TAF6L: variants seen among roughly 807,000 people sequenced by gnomAD.
TAF6L encodes the protein TATA-box binding protein associated factor 6 like.
TAF6L carries 34 observed loss-of-function variants against 57.3 expected under a neutral mutation model. The ratio of observed to expected loss-of-function variants is 0.59; its 90% CI spans 0.45 to 0.79. The LOEUF (loss-of-function observed/expected upper bound fraction) is 0.79, where lower values mean the gene tolerates loss of function less well. Among genes scored for constraint, TAF6L ranks in the 30% least tolerant of loss-of-function variants. The pLI, the probability that TAF6L is intolerant of heterozygous loss-of-function variation, is 0.00. For missense variants in TAF6L, 782 were observed against 853.2 expected (o/e 0.92, Z 1.04); for synonymous variants, 417 against 376.3 (o/e 1.11, Z -1.25).
chr11:62,783,120 A>G (rs1173310436), intron 9 of TAF6L, among the ~76,000 whole-genome samples: 4 of 152,236 alleles, frequency 2.6e-5, no homozygotes, highest in Non-Finnish European at 4.4e-5. Context: ...TTACACATGA[A>G]TAGATACTGA....
intron 9 of TAF6L, among the ~76,000 whole-genome samples, chr11:62,783,093 C>T (rs2084242275): frequency 6.6e-6 from 1 of 152,164 alleles, no homozygotes; most frequent in Non-Finnish European, 1.5e-5. Flanking sequence ...CCTTCAATTC[C>T]TGTTGTATTG....
In TAF6L at chr11:62,787,092, C is replaced by A; in HGVS notation, c.1665C>A (p.Arg555=). The change falls in exon 11 of 11, where the codon CGC becomes CGA. Residue 555 remains arginine, a synonymous_variant. Coordinates refer to ENST00000294168, the MANE Select transcript of TAF6L (RefSeq NM_006473.4). ...TCCAGAAGAGCCGTTTCGCCCCGCG[C>A]GGCGCCCCGCACTTTCGTTTCATCA... ...DVFQKSRFAP[R]GAPHFRFIIA... The A allele has an allele frequency of 6.5e-7, 1 of 1,539,720 alleles. No individual in the cohort carries two copies. The highest frequency in any genetic ancestry group is 2.5e-5 in the East Asian group (1 of 40,426).
At position 62,782,817 on chromosome 11, in the gene TAF6L, G is replaced by C. The variant is rs2084240347; in HGVS notation, c.952G>C (p.Gly318Arg). The C allele has an allele frequency of 6.2e-7, 1 of 1,613,912 alleles. No homozygotes were observed. The highest frequency in any genetic ancestry group is 1.1e-5 in the South Asian group (1 of 91,090). ...YGAVVGLHAL[G>R]WKAVERVLYP... ...AGCCGTGGTGGGGCTGCATGCTCTT[G>C]GCTGGAAGGTGAGCACCCTGGCCTT... The change falls in exon 9 of 11, where the codon GGC (glycine) becomes CGC (arginine). Residue 318 changes from glycine to arginine, a missense_variant. Transcript: ENST00000294168.
chr11:62,775,749 A>G (rs1225474369), intron 1 of TAF6L, 22 bp from the exon 2 acceptor site: 8 of 1,582,944 alleles, frequency 5.1e-6, no homozygotes, highest in Non-Finnish European at 4.3e-6. Context: ...CAGCTTTTCC[A>G]GTCTTCATTC....
intron 7 of TAF6L, 50 bp from the exon 8 acceptor site, chr11:62,782,063 C>G (rs372441553): frequency 1.0e-5 from 16 of 1,588,974 alleles, no homozygotes; most frequent in Non-Finnish European, 1.4e-5. Flanking sequence ...GAATGGTGGG[C>G]TCCTGCCTGT....
At position 62,773,747 on chromosome 11, in the gene TAF6L, T is replaced by C. The variant is rs189382000; in HGVS notation, c.-13-2024T>C. ...AGAGGCGTGAGCCACTGGGTCCAGC[T>C]ACAAATTCTTACGACTGGTTTGGAG... is the stretch of plus-strand genomic sequence containing the variant. On this transcript the variant is annotated intron_variant, in intron 1 of 10. Transcript: ENST00000294168. Among the ~76,000 whole-genome samples the C allele has an allele frequency of 1.5e-3, 221 of 152,142 alleles. 6 individuals carry two copies. The highest frequency in any genetic ancestry group is 2.7e-3 in the Non-Finnish European group (183 of 67,986).
Position 62,787,161 on chromosome 11 carries a change from C to G in TAF6L, c.1734C>G (p.Phe578Leu). 1 of 1,579,854 alleles carries G rather than the reference C, an allele frequency of 6.3e-7. No individual in the cohort carries two copies. ...QAGRRCRGRL[F>L]QTAFPAPYGP... ...GGAGGCGCTGCCGCGGGCGCCTTTT[C>G]CAGACTGCCTTCCCCGCGCCGTACG... is the stretch of plus-strand genomic sequence containing the variant. Residue 578 changes from phenylalanine to leucine, a missense_variant, in exon 11 of 11, where the codon TTC becomes TTG. Transcript: ENST00000294168.
chr11:62,779,240 G>A (rs916981816), intron 6 of TAF6L, among the ~76,000 whole-genome samples: 1 of 152,070 alleles, frequency 6.6e-6, no homozygotes, highest in Admixed American at 6.6e-5. Flanking sequence ...TGTCACCCAG[G>A]CTGGAGTGCA....
In TAF6L at chr11:62,776,480, G is replaced by T; in HGVS notation, c.234+10G>T. ...ATGGAGCAGCGTGGAGGTGAGTGGG[G>T]TGCAGGCTACAGAGGGCTCAGGTGG... On this transcript the variant is annotated intron_variant, in intron 3 of 10. Coordinates refer to ENST00000294168, the MANE Select transcript of TAF6L (RefSeq NM_006473.4). 1 of 1,613,084 alleles carries T rather than the reference G, an allele frequency of 6.2e-7. No homozygotes were observed. Among genetic ancestry groups the T allele is most frequent in the Non-Finnish European group, 8.5e-7 (1 of 1,179,246 alleles).
rs186632638 is a variant in TAF6L at position 62,776,473 on chromosome 11, G to C, written c.234+3G>C. 286 of 1,613,482 alleles carry C rather than the reference G, an allele frequency of 1.8e-4. No homozygotes were observed. The African/African-American group carries it at 3.1e-3, about 18-fold the overall frequency. On this transcript the variant is annotated splice_donor_region_variant and intron_variant, in intron 3 of 10. Transcript: ENST00000294168. ...CCCTCAGATGGAGCAGCGTGGAGGTGAGTGGGGTGCAGGCTACAGAGGGCT... is the reference window on the plus strand; with the variant it reads ...CCCTCAGATGGAGCAGCGTGGAGGTCAGTGGGGTGCAGGCTACAGAGGGCT...
intron 1 of TAF6L, among the ~76,000 whole-genome samples, chr11:62,774,286 C>T (rs1356912143): frequency 5.3e-5 from 8 of 152,116 alleles, no homozygotes; most frequent in Non-Finnish European, 1.0e-4. Flanking sequence ...CCGTGTTAAC[C>T]AGGATGGTCT....
intron 6 of TAF6L, 116 bp from the exon 7 acceptor site, chr11:62,781,778 T>A: frequency 1.1e-6 from 1 of 900,316 alleles, no homozygotes; most frequent in South Asian, 1.4e-5. Context: ...TCAAAGAATA[T>A]GAACATTAAA....
Position 62,786,245 on chromosome 11 carries a change from T to C in TAF6L, c.961-15T>C. 1.2e-6 allele frequency: 2 copies of C among 1,606,620 alleles called. No homozygotes were observed. Among genetic ancestry groups the C allele is most frequent in the Non-Finnish European group, 1.7e-6 (2 of 1,173,736 alleles). ...ATCAAAGACATGCTAACTGTATTCC[T>C]TCTCTTCCTTCCAGGCAGTAGAACG... On this transcript the variant is annotated splice_polypyrimidine_tract_variant and intron_variant, in intron 9 of 10. Transcript: ENST00000294168.
At position 62,787,293 on chromosome 11, in the gene TAF6L, C is replaced by G. The variant is rs372003013; in HGVS notation, c.1866C>G (p.Leu622=). The change falls in exon 11 of 11, where the codon CTC becomes CTG. Residue 622 remains leucine, a synonymous_variant. Coordinates refer to ENST00000294168, the MANE Select transcript of TAF6L (RefSeq NM_006473.4). ...ALSDYSLYLP[L] ...CGGACTACTCGCTGTACTTGCCGCTCTGAGTCAGTGGCCCCTTCGTTCCTT... is the reference window on the plus strand; with the variant it reads ...CGGACTACTCGCTGTACTTGCCGCTGTGAGTCAGTGGCCCCTTCGTTCCTT... 1.8e-5 allele frequency: 28 copies of G among 1,539,588 alleles called. No individual in the cohort carries two copies. In the East Asian group the frequency reaches 2.8e-4, roughly 15 times the overall value.
At chr11:62,775,232 A>G (rs1000506168) in intron 1 of TAF6L, among the ~76,000 whole-genome samples, 8 of 152,236 alleles carry the variant, frequency 5.3e-5, no homozygotes, top group Admixed American at 3.3e-4. Context: ...AAGGGGGAAA[A>G]GCTCTTTATA....
At chr11:62,778,160 TG>T in intron 4 of TAF6L, 32 bp downstream of exon 4, 1 of 1,613,916 alleles carries the variant, frequency 6.2e-7, no homozygotes, top group South Asian at 1.1e-5. Flanking sequence ...GGGTTGGGGA[TG>T]GGAGTTGGGC....
chr11:62,786,154 G>A, intron 9 of TAF6L, 106 bp from the exon 10 acceptor site: 2 of 1,403,058 alleles, frequency 1.4e-6, no homozygotes, highest in Admixed American at 2.0e-5. Flanking sequence ...GGAGGATTGA[G>A]CCCTGTCTAG....
chr11:62,786,708 G>T lies in TAF6L; in HGVS notation c.1281G>T (p.Gly427=). The T allele has an allele frequency of 1.2e-6, 2 of 1,612,856 alleles. No individual in the cohort carries two copies. The highest frequency in any genetic ancestry group is 1.7e-6 in the Non-Finnish European group (2 of 1,179,696). Residue 427 remains glycine, a synonymous_variant, in exon 11 of 11, where the codon GGG becomes GGT. Coordinates refer to ENST00000294168, the MANE Select transcript of TAF6L (RefSeq NM_006473.4). ...SGLPLPPGGA[G]PEDPSLSVTL... is the part of the protein sequence containing the mutation. ...TCCCGCTGCCGCCAGGGGGCGCGGG[G>T]CCGGAGGACCCTTCTCTTTCGGTGA... is the stretch of plus-strand genomic sequence containing the variant.
At chr11:62,778,251 G>A (rs200806239) in intron 4 of TAF6L, 34 bp from the exon 5 acceptor site, 15 of 1,613,928 alleles carry the variant, frequency 9.3e-6, no homozygotes, top group Admixed American at 3.3e-5. Flanking sequence ...GGGGCAAAAC[G>A]CCAGGCTGAC....
Sources: allele counts gnomAD v4.1 joint callset (sites outside exome capture counted in the v4.1 genomes callset), GRCh38; gene constraint gnomAD v4.1.1; transcripts MANE v1.5; gene names NCBI Gene and HGNC (gene_info 2026-07-23, HGNC 2026-07-21).